Variants in ALDH6A1 observed in about 807,000 individuals in gnomAD.
ALDH6A1 encodes methylmalonate-semialdehyde/malonate-semialdehyde dehydrogenase [acylating], mitochondrial.
ALDH6A1 carries 43 observed loss-of-function variants against 62.6 expected under a neutral mutation model. The observed-to-expected ratio is 0.69, with a 90% CI of 0.54 to 0.89. The LOEUF (loss-of-function observed/expected upper bound fraction) is 0.89, where lower values mean the gene tolerates loss of function less well. Ranked by LOEUF, ALDH6A1 falls within the 40% of genes least tolerant of loss-of-function variation. The probability of loss-of-function intolerance (pLI) is 0.00; values close to 1 mark genes in which losing one functional copy is unlikely to be tolerated. For synonymous variants in ALDH6A1, 194 were observed against 234.2 expected, an observed-to-expected ratio of 0.83 and a Z score of 1.57; for missense variants, 551 against 661.3, an observed-to-expected ratio of 0.83 and a Z score of 1.83.
chr14:74,064,617 C>T (rs1169750492), intron 11 of ALDH6A1: 4 of 1,481,532 alleles, frequency 2.7e-6, no homozygotes, highest in Non-Finnish European at 3.8e-6. Flanking sequence ...TTCCTCAAAA[C>T]TTTGTTGCTT....
At chr14:74,061,418 CAGCCTTCT>C (rs2060339462) in intron 11 of ALDH6A1, among the ~76,000 whole-genome samples, 1 of 152,132 alleles carries the variant, frequency 6.6e-6, no homozygotes, top group African/African-American at 2.4e-5. Context: ...TCTCCTGCCT[CAGCCTTCT>C]GAATAGCTGG....
chr14:74,083,144 T>C (rs1027001426), intron 1 of ALDH6A1, among the ~76,000 whole-genome samples: 9 of 152,228 alleles, frequency 5.9e-5, no homozygotes, highest in African/African-American at 1.9e-4. Context: ...ATAGCATATT[T>C]AAAAATGAAT....
intron 2 of ALDH6A1, among the ~76,000 whole-genome samples, chr14:74,073,075 C>G (rs907310273): frequency 1.3e-5 from 2 of 152,230 alleles, no homozygotes; most frequent in African/African-American, 2.4e-5. Context: ...GCTAGGATTA[C>G]AGGCGTGAGC....
At chr14:74,075,057 A>C (rs1056843297) in intron 1 of ALDH6A1, 40 bp from the exon 2 acceptor site, 1 of 1,596,678 alleles carries the variant, frequency 6.3e-7, no homozygotes. Context: ...AAATGAGAGC[A>C]GAAAGTTATT....
chr14:74,074,377 C>T (rs2060588811), intron 2 of ALDH6A1, among the ~76,000 whole-genome samples: 1 of 151,658 alleles, frequency 6.6e-6, no homozygotes, highest in Admixed American at 6.6e-5. Context: ...ACCTCCGCCT[C>T]CCGAATTCAA....
chr14:74,059,420 G>C lies in ALDH6A1; in HGVS notation c.*1222C>G. 2.2e-6 allele frequency: 1 copy of C among 456,030 alleles called. No homozygotes were observed. The highest frequency in any genetic ancestry group is 4.4e-6 in the Non-Finnish European group (1 of 226,798). 28.2% of individuals were successfully genotyped at this position (456,030 alleles called of 1,614,324 possible). On this transcript the variant is annotated 3_prime_UTR_variant, in exon 12 of 12. Transcript: ENST00000553458. ...AAGAAAATTATTTGCATCTGGCTGG[G>C]TGTGGTGGCTCATGCCTGTAATCCC...
chr14:74,084,357 C>A lies in ALDH6A1; in HGVS notation c.38G>T (p.Arg13Leu). The A allele has an allele frequency of 1.2e-6, 2 of 1,613,460 alleles. No homozygotes were observed. The highest frequency in any genetic ancestry group is 4.5e-5 in the East Asian group (2 of 44,870). ...ALLAAAAVRA[R>L]ILQVSSKVKS... is the part of the protein sequence containing the mutation. ...ACCACCCTCACTCGCCTGCAGGATC[C>A]GGGCTCGCACTGCCGCCGCCGCCAA... The change falls in exon 1 of 12, where the codon CGG (arginine) becomes CTG (leucine). Residue 13 changes from arginine (R) to leucine (L), a missense_variant. By Grantham distance (102) the Arg-to-Leu change is moderately radical. Transcript: ENST00000553458.
At chr14:74,082,488 C>T (rs2060680327) in intron 1 of ALDH6A1, among the ~76,000 whole-genome samples, 2 of 141,544 alleles carry the variant, frequency 1.4e-5, no homozygotes. Flanking sequence ...CAACCTCCGT[C>T]TTCCGGGTTC....
At chr14:74,071,688 A>G (rs1424236738) in intron 5 of ALDH6A1, 191 bp from the exon 6 acceptor site, 3 of 1,499,846 alleles carry the variant, frequency 2.0e-6, no homozygotes, top group Middle Eastern at 2.4e-4. Flanking sequence ...AGCGATATGT[A>G]TATACCCACT....
rs1202804983 is a variant in ALDH6A1 at position 74,059,304 on chromosome 14, T to A, written c.*1338A>T. 1 of 447,084 alleles carries A rather than the reference T, an allele frequency of 2.2e-6. No individual in the cohort carries two copies. The highest frequency in any genetic ancestry group is 2.0e-5 in the African/African-American group (1 of 49,576). The allele number at this position is 447,084 out of a possible 1,614,324, so 27.7% of individuals were successfully genotyped here. On this transcript the variant is annotated 3_prime_UTR_variant, in exon 12 of 12. Coordinates refer to ENST00000553458, the MANE Select transcript of ALDH6A1 (RefSeq NM_005589.4). Reference sequence around the variant, plus strand: ...TAAAATTTGGCAAGTAATAGCAGGTTAGATTTGCTTAAGGCAGGTGTCTTA... The same window carrying A: ...TAAAATTTGGCAAGTAATAGCAGGTAAGATTTGCTTAAGGCAGGTGTCTTA...
Position 74,056,999 on chromosome 14 carries a change from A to T in ALDH6A1, c.*3643T>A. On this transcript the variant is annotated 3_prime_UTR_variant, in exon 12 of 12. Transcript: ENST00000553458. ...AATTTGGGTAAGAGCTCTCTTGCTT[A>T]AGTAATAAACATGAGCCCAACACGA... The T allele has an allele frequency of 6.2e-7, 1 of 1,607,618 alleles. No individual in the cohort carries two copies. Among genetic ancestry groups the T allele is most frequent in the East Asian group, 2.2e-5 (1 of 44,826 alleles).
rs1009640380 is a variant in ALDH6A1, at chr14:74,057,945, A to T, written c.*2697T>A. The T allele has an allele frequency of 8.4e-6, 8 of 957,070 alleles. No individual in the cohort carries two copies. The highest frequency in any genetic ancestry group is 8.7e-6 in the Non-Finnish European group (7 of 801,076). The allele number at this position is 957,070 out of a possible 1,614,324, so 59.3% of individuals were successfully genotyped here. On this transcript the variant is annotated 3_prime_UTR_variant, in exon 12 of 12. Coordinates refer to ENST00000553458, the MANE Select transcript of ALDH6A1 (RefSeq NM_005589.4). ...CTTAAATATAAGGAAAATGTTAGGAATCTCTGTGACTACATTTAATTCCAC... is the reference window on the plus strand; with the variant it reads ...CTTAAATATAAGGAAAATGTTAGGATTCTCTGTGACTACATTTAATTCCAC...
chr14:74,084,334 C>G lies in ALDH6A1; in HGVS notation c.48+13G>C, dbSNP rs1280496314. The G allele has an allele frequency of 1.9e-6, 3 of 1,613,610 alleles. No homozygotes were observed. In the African/African-American group the frequency reaches 4.0e-5, roughly 22 times the overall value. On this transcript the variant is annotated intron_variant, in intron 1 of 11. Coordinates refer to ENST00000553458, the MANE Select transcript of ALDH6A1 (RefSeq NM_005589.4). ...TCCTAGCTTCATGGTGCCTTGGCAC[C>G]ACCCTCACTCGCCTGCAGGATCCGG...
chr14:74,066,495 A>C (rs2060468074), intron 9 of ALDH6A1, among the ~76,000 whole-genome samples: 1 of 152,182 alleles, frequency 6.6e-6, no homozygotes. Context: ...CCCTTTATGG[A>C]AAGTCTGCAG....
rs765240677 is a variant in ALDH6A1, at chr14:74,064,882, C to T, written c.1443G>A (p.Met481Ile). ...AGGATCGAGAGCCGGTGAATGAGAA[C>T]ATTGGCAAAGGCACTGGAATGGGGA... ...VNVPIPVPLP[M>I]FSFTGSRSSF... The change falls in exon 11 of 12, where the codon ATG (methionine) becomes ATA (isoleucine). Residue 481 changes from methionine to isoleucine, a missense_variant. Physicochemically the swap from Met to Ile is conservative, Grantham distance 10. Coordinates refer to ENST00000553458, the MANE Select transcript of ALDH6A1 (RefSeq NM_005589.4). 15 of 1,613,962 alleles carry T rather than the reference C, an allele frequency of 9.3e-6. No homozygotes were observed. Among genetic ancestry groups the T allele is most frequent in the Non-Finnish European group, 1.2e-5 (14 of 1,180,012 alleles).
intron 1 of ALDH6A1, among the ~76,000 whole-genome samples, chr14:74,076,598 A>G (rs4903175): frequency 0.24 from 36,597 of 152,018 alleles, 4,969 homozygotes; most frequent in South Asian, 0.46. Context: ...GTACAGTGGC[A>G]TGACCTTGGC....
At position 74,065,629 on chromosome 14, in the gene ALDH6A1, A is replaced by G. The variant is rs1246691146; in HGVS notation, c.1225-269T>C. 5 of 409,322 alleles carry G rather than the reference A, an allele frequency of 1.2e-5. No homozygotes were observed. In the East Asian group the frequency reaches 2.4e-4, roughly 19 times the overall value. The allele number at this position is 409,322 out of a possible 1,614,324, so 25.4% of individuals were successfully genotyped here. A position where few individuals can be genotyped will look rare whatever the true frequency, so the allele number is the denominator to read the frequency against. ...GGACTGTATCTTTAGTTCATGACCC[A>G]TCATCAGCTGCCTTTTTAATACCTG... On this transcript the variant is annotated intron_variant, in intron 9 of 11. Coordinates refer to ENST00000553458, the MANE Select transcript of ALDH6A1 (RefSeq NM_005589.4).
At position 74,071,227 on chromosome 14, in the gene ALDH6A1, C is replaced by T; in HGVS notation, c.698G>A (p.Gly233Glu). ...KLLQDSGAPD[G>E]TLNIIHGQHE... ...CTGTCCATGGATGATGTTTAATGTT[C>T]CATCAGGGGCACCAGAATCCTGGAG... Residue 233 changes from glycine to glutamate, a missense_variant, in exon 6 of 12, where the codon GGA becomes GAA. Transcript: ENST00000553458. The T allele has an allele frequency of 6.2e-7, 1 of 1,614,104 alleles. No homozygotes were observed. Among genetic ancestry groups the T allele is most frequent in the South Asian group, 1.1e-5 (1 of 91,056 alleles).
At position 74,074,870 on chromosome 14, in the gene ALDH6A1, T is replaced by A. The variant is rs2060595090; in HGVS notation, c.111+85A>T. ...CTAGAAAGTTTCACATACACTCTGA[T>A]GACAATTATGTAAAGAAGATAGAGA... On this transcript the variant is annotated intron_variant, in intron 2 of 11. Coordinates refer to ENST00000553458, the MANE Select transcript of ALDH6A1 (RefSeq NM_005589.4). The A allele has an allele frequency of 2.2e-6, 3 of 1,374,160 alleles. No homozygotes were observed. In the African/African-American group the frequency reaches 4.3e-5, roughly 20 times the overall value. The allele number at this position is 1,374,160 out of a possible 1,614,324, so 85.1% of individuals were successfully genotyped here. A position where few individuals can be genotyped will look rare whatever the true frequency, so the allele number is the denominator to read the frequency against.
Sources: allele counts gnomAD v4.1 joint callset (sites outside exome capture counted in the v4.1 genomes callset), GRCh38; gene constraint gnomAD v4.1.1; transcripts MANE v1.5; gene names NCBI Gene and HGNC (gene_info 2026-07-23, HGNC 2026-07-21).